ZBTB2: variants seen among roughly 807,000 people sequenced by gnomAD.
ZBTB2 encodes zinc finger and BTB domain-containing protein 2.
A neutral mutation model predicts 39.5 loss-of-function variants in ZBTB2; 2 were observed. The ratio of observed to expected loss-of-function variants is 0.05; its 90% CI spans 0.02 to 0.16. The LOEUF (loss-of-function observed/expected upper bound fraction) is 0.16. Ranked by LOEUF, ZBTB2 falls within the 10% of genes least tolerant of loss-of-function variation. ZBTB2 has a pLI of 1.00. For missense variants in ZBTB2, 391 were observed against 653.0 expected (o/e 0.60, Z 4.37); for synonymous variants, 251 against 256.6 (o/e 0.98, Z 0.21).
intron 1 of ZBTB2, among the ~76,000 whole-genome samples, chr6:151,377,154 T>TG (rs143189087): frequency 1.7e-3 from 149 of 86,118 alleles, no homozygotes; most frequent in Non-Finnish European, 2.6e-3. Context: ...AGATTAGTGG[T>TG]GGGGGGGGTG....
intron 1 of ZBTB2, among the ~76,000 whole-genome samples, chr6:151,387,161 G>C (rs1237689111): frequency 6.6e-6 from 1 of 152,128 alleles, no homozygotes. Flanking sequence ...CACTTGACAA[G>C]TCTACTTTCT....
chr6:151,389,949 T>C (rs9479028), intron 1 of ZBTB2, among the ~76,000 whole-genome samples: 128 of 149,716 alleles, frequency 8.5e-4, no homozygotes, highest in Non-Finnish European at 1.6e-3. Context: ...ACAAGAAGGG[T>C]TTAGAGGTTT....
intron 1 of ZBTB2, among the ~76,000 whole-genome samples, chr6:151,376,202 A>G (rs138968022): frequency 1.1e-3 from 173 of 152,372 alleles, no homozygotes; most frequent in African/African-American, 3.9e-3. Context: ...CTCAAAATGG[A>G]TAACAAACTT....
chr6:151,383,020 G>A lies in ZBTB2; in HGVS notation c.-13+8400C>T, dbSNP rs553791542. Among the ~76,000 whole-genome samples, 49 of 151,490 alleles carry A rather than the reference G, an allele frequency of 3.2e-4. No individual in the cohort carries two copies. In the South Asian group the frequency reaches 9.6e-3, roughly 30 times the overall value. On this transcript the variant is annotated intron_variant, in intron 1 of 2. Coordinates refer to ENST00000325144, the MANE Select transcript of ZBTB2 (RefSeq NM_020861.3). The stretch of plus-strand genomic sequence containing the variant: ...AGCTCACTTCAACCTCTGCCTCCTG[G>A]GTTCAAGCAATTCTCTGCCTCAGTC...
intron 2 of ZBTB2, among the ~76,000 whole-genome samples, chr6:151,370,892 G>A (rs151025691): frequency 2.6e-4 from 39 of 152,326 alleles, no homozygotes; most frequent in African/African-American, 8.9e-4. Context: ...TAATACACCT[G>A]TTGCTTTACA....
rs1189593844 is a variant in ZBTB2 at position 151,366,903 on chromosome 6, C to G, written c.174-11G>C. 6.3e-7 allele frequency: 1 copy of G among 1,583,462 alleles called. No homozygotes were observed. Among genetic ancestry groups the G allele is most frequent in the South Asian group, 1.1e-5 (1 of 87,118 alleles). ...AAGCGGACACACTCACTGAAAGAAA[C>G]AAGTAAAAAAATACGTGAGTAAATG... On this transcript the variant is annotated splice_polypyrimidine_tract_variant and intron_variant, in intron 2 of 2. Coordinates refer to ENST00000325144, the MANE Select transcript of ZBTB2 (RefSeq NM_020861.3). This position sits in a 1 kb window ranked among gnomAD's most constrained non-coding sequence, Gnocchi z 7.1.
At chr6:151,382,286 G>A (rs769131872) in intron 1 of ZBTB2, among the ~76,000 whole-genome samples, 5 of 151,878 alleles carry the variant, frequency 3.3e-5, no homozygotes, top group Non-Finnish European at 7.4e-5. Flanking sequence ...ATGGAGTTTC[G>A]CTCTTGTTGC....
chr6:151,373,870 A>AAACAAAC (rs1554336607), intron 1 of ZBTB2, among the ~76,000 whole-genome samples: 1 of 123,568 alleles, frequency 8.1e-6, no homozygotes, highest in African/African-American at 3.6e-5. Context: ...AAAAAAAAAA[A>AAACAAAC]AAAAAAACCA....
intron 1 of ZBTB2, among the ~76,000 whole-genome samples, chr6:151,373,911 T>TATGTGA (rs1778845908): frequency 1.4e-5 from 2 of 140,674 alleles, no homozygotes. Flanking sequence ...ATTAGGGAGT[T>TATGTGA]ATGTGATTTG....
chr6:151,385,547 AT>A (rs1436458702), intron 1 of ZBTB2, among the ~76,000 whole-genome samples: 1 of 152,218 alleles, frequency 6.6e-6, no homozygotes, highest in African/African-American at 2.4e-5. Flanking sequence ...GAAATTGTTG[AT>A]TCAGTTTTTA....
At chr6:151,386,325 A>C (rs1034266786) in intron 1 of ZBTB2, among the ~76,000 whole-genome samples, 1 of 152,152 alleles carries the variant, frequency 6.6e-6, no homozygotes, top group Non-Finnish European at 1.5e-5. Flanking sequence ...CGGGCAGATC[A>C]CTTGAGCCCC....
At chr6:151,380,848 G>A (rs1204184912) in intron 1 of ZBTB2, among the ~76,000 whole-genome samples, 3 of 151,942 alleles carry the variant, frequency 2.0e-5, no homozygotes, top group Admixed American at 2.0e-4. Flanking sequence ...ACTTCTCCTT[G>A]GCTGTCCCCC....
chr6:151,382,412 C>A (rs377715819), intron 1 of ZBTB2, among the ~76,000 whole-genome samples: 1 of 151,904 alleles, frequency 6.6e-6, no homozygotes, highest in Non-Finnish European at 1.5e-5. Flanking sequence ...TGTGCCACCA[C>A]CCCTGGCTAA....
intron 1 of ZBTB2, among the ~76,000 whole-genome samples, chr6:151,381,216 C>T (rs1779028657): frequency 6.6e-6 from 1 of 152,178 alleles, no homozygotes; most frequent in Admixed American, 6.5e-5. Flanking sequence ...AACCTGATGT[C>T]ACCTGCTTAA....
chr6:151,366,181 G>C lies in ZBTB2; in HGVS notation c.885C>G (p.Leu295=), dbSNP rs939345869. 1.2e-6 allele frequency: 2 copies of C among 1,614,164 alleles called. No individual in the cohort carries two copies. The highest frequency in any genetic ancestry group is 8.5e-7 in the Non-Finnish European group (1 of 1,180,036). ...TCCCGAGGTCAGCTGCATTGCTACA[G>C]AGAGTCAGGGGGACGCGACTTTCTC... is the stretch of plus-strand genomic sequence containing the variant. ...QQGESRVPLT[L]CSNAADLGKD... is the part of the protein sequence containing the mutation. The change falls in exon 3 of 3, where the codon CTC becomes CTG. Residue 295 remains leucine (L), a synonymous_variant. Coordinates refer to ENST00000325144, the MANE Select transcript of ZBTB2 (RefSeq NM_020861.3). This position sits in a 1 kb window ranked among gnomAD's most constrained non-coding sequence, Gnocchi z 7.1.
chr6:151,383,833 G>A (rs1191640301), intron 1 of ZBTB2, among the ~76,000 whole-genome samples: 1 of 152,164 alleles, frequency 6.6e-6, no homozygotes, highest in Non-Finnish European at 1.5e-5. Flanking sequence ...TGGTGCATGT[G>A]TGAACGAGCC....
At chr6:151,387,403 A>C (rs1261697440) in intron 1 of ZBTB2, among the ~76,000 whole-genome samples, 1 of 152,158 alleles carries the variant, frequency 6.6e-6, no homozygotes, top group Non-Finnish European at 1.5e-5. Context: ...ATAACAACTT[A>C]GTATTACTGT....
chr6:151,390,133 G>A (rs973198534), intron 1 of ZBTB2, among the ~76,000 whole-genome samples: 1 of 152,218 alleles, frequency 6.6e-6, no homozygotes, highest in South Asian at 2.1e-4. Flanking sequence ...TCGGGCGGAA[G>A]CTGGAGGCCG....
At position 151,385,876 on chromosome 6, in the gene ZBTB2, A is replaced by G. The variant is rs1020877831; in HGVS notation, c.-13+5544T>C. Among the ~76,000 whole-genome samples the G allele has an allele frequency of 2.6e-5, 4 of 152,216 alleles. 1 individual carries two copies. The highest frequency in any genetic ancestry group is 9.6e-5 in the African/African-American group (4 of 41,452). On this transcript the variant is annotated intron_variant, in intron 1 of 2. Coordinates refer to ENST00000325144, the MANE Select transcript of ZBTB2 (RefSeq NM_020861.3). ...TTTTAAAACTGTATTTTGAAGGTAG[A>G]AAATGCATCTTATTTAGTTGTGATA...
Sources: allele counts gnomAD v4.1 joint callset (sites outside exome capture counted in the v4.1 genomes callset), GRCh38; gene constraint gnomAD v4.1.1; non-coding constraint Gnocchi (gnomAD v3.1); transcripts MANE v1.5; gene names NCBI Gene and HGNC (gene_info 2026-07-23, HGNC 2026-07-21).